PDE11A: variants seen among roughly 807,000 people sequenced by gnomAD.
PDE11A encodes dual 3',5'-cyclic-AMP and -GMP phosphodiesterase 11A.
PDE11A carries 100 observed loss-of-function variants against 100.5 expected under a neutral mutation model. The ratio of observed to expected loss-of-function variants is 1.00; its 90% confidence interval spans 0.85 to 1.18. The LOEUF is 1.18. Among genes scored for constraint, PDE11A ranks in the 50% most tolerant of loss-of-function variants. The pLI, the probability that PDE11A is intolerant of heterozygous loss-of-function variation, is 0.00. For missense variants in PDE11A, 1,141 were observed against 1,152.6 expected, an observed-to-expected ratio of 0.99 and a Z score of 0.15; for synonymous variants, 381 against 420.8, an observed-to-expected ratio of 0.91 and a Z score of 1.16.
At chr2:178,061,173 T>A (rs1413930143) in intron 1 of PDE11A, among the ~76,000 whole-genome samples, 1 of 152,054 alleles carries the variant, frequency 6.6e-6, no homozygotes, top group Non-Finnish European at 1.5e-5. Flanking sequence ...AAGTTGTGAC[T>A]ATTCTTAAGG....
At chr2:177,848,649 T>C (rs2083643647) in intron 5 of PDE11A, among the ~76,000 whole-genome samples, 1 of 152,162 alleles carries the variant, frequency 6.6e-6, no homozygotes, top group Non-Finnish European at 1.5e-5. Flanking sequence ...AAAAGAGAAT[T>C]GCCCTATTAC....
intron 1 of PDE11A, among the ~76,000 whole-genome samples, chr2:178,060,748 G>T (rs1451575437): frequency 1.3e-5 from 2 of 151,960 alleles, no homozygotes; most frequent in African/African-American, 2.4e-5. Context: ...AATCTCCTAT[G>T]ATTAAATATT....
chr2:178,066,507 G>A (rs1299549696), intron 1 of PDE11A, among the ~76,000 whole-genome samples: 1 of 152,144 alleles, frequency 6.6e-6, no homozygotes, highest in Non-Finnish European at 1.5e-5. Flanking sequence ...GCCTGCCCAG[G>A]ACTGGTTTTT....
intron 2 of PDE11A, among the ~76,000 whole-genome samples, chr2:178,085,424 A>G (rs996373983): frequency 2.0e-5 from 3 of 152,208 alleles, no homozygotes; most frequent in East Asian, 1.9e-4. Flanking sequence ...TACCTATCAG[A>G]TACTATGCTC....
chr2:178,085,793 C>A (rs1230733277), intron 2 of PDE11A, among the ~76,000 whole-genome samples: 2 of 152,058 alleles, frequency 1.3e-5, no homozygotes, highest in African/African-American at 4.8e-5. Context: ...AATAGTCTTG[C>A]AACAAAGGCC....
intron 1 of PDE11A, among the ~76,000 whole-genome samples, chr2:178,014,676 G>C (rs1337427317): frequency 6.6e-6 from 1 of 152,146 alleles, no homozygotes; most frequent in East Asian, 1.9e-4. Flanking sequence ...AATGAAGAGA[G>C]AGACTTTAAG....
intron 13 of PDE11A, among the ~76,000 whole-genome samples, chr2:177,704,873 G>A (rs909435253): frequency 2.0e-5 from 3 of 151,796 alleles, no homozygotes; most frequent in Non-Finnish European, 2.9e-5. Flanking sequence ...ACGGAATCTC[G>A]CCTGTCACCC....
chr2:178,048,800 A>C (rs2086785771), intron 1 of PDE11A, among the ~76,000 whole-genome samples: 1 of 152,190 alleles, frequency 6.6e-6, no homozygotes, highest in South Asian at 2.1e-4. Flanking sequence ...TAAGCCATAA[A>C]TGTGATATTT....
chr2:178,040,540 A>G (rs145795000), intron 1 of PDE11A, among the ~76,000 whole-genome samples: 212 of 152,330 alleles, frequency 1.4e-3, no homozygotes, highest in African/African-American at 4.6e-3. Flanking sequence ...TGTTCAGCAC[A>G]CATATTGTTT....
chr2:177,712,342 C>CTTT (rs35906687), intron 12 of PDE11A, among the ~76,000 whole-genome samples: 1,600 of 139,784 alleles, frequency 0.011, 30 homozygotes, highest in African/African-American at 0.04. Flanking sequence ...CACAACCCTT[C>CTTT]TTTTTTTTTT....
chr2:177,925,370 TC>T (rs1244805249), intron 2 of PDE11A, among the ~76,000 whole-genome samples: 3 of 151,552 alleles, frequency 2.0e-5, no homozygotes, highest in Non-Finnish European at 4.4e-5. Flanking sequence ...TTCCTATTTC[TC>T]CACATCCTCT....
intron 5 of PDE11A, among the ~76,000 whole-genome samples, chr2:177,869,993 C>T (rs1031820704): frequency 2.0e-5 from 3 of 152,306 alleles, no homozygotes; most frequent in Middle Eastern, 3.4e-3. Context: ...ATGTTCCACA[C>T]CTTAATAACA....
At chr2:177,833,680 A>G (rs931201903) in intron 6 of PDE11A, among the ~76,000 whole-genome samples, 1 of 152,218 alleles carries the variant, frequency 6.6e-6, no homozygotes, top group Admixed American at 6.5e-5. Context: ...AATAGGGCCA[A>G]TCCATTTTGG....
At chr2:178,102,428 GTTTTTTT>G (rs769341186) in intron 2 of PDE11A, among the ~76,000 whole-genome samples, 3 of 55,368 alleles carry the variant, frequency 5.4e-5, no homozygotes, top group East Asian at 7.8e-4. Context: ...CCTGGTCTAA[GTTTTTTT>G]TTTTTTTTTT....
intron 2 of PDE11A, among the ~76,000 whole-genome samples, chr2:177,910,370 CT>C (rs1395759781): frequency 1.3e-5 from 2 of 151,674 alleles, no homozygotes; most frequent in East Asian, 1.9e-4. Flanking sequence ...ATATTTTAAT[CT>C]TTTTTTTCAG....
chr2:177,890,209 C>A (rs1456459918), intron 4 of PDE11A, among the ~76,000 whole-genome samples: 1 of 152,174 alleles, frequency 6.6e-6, no homozygotes, highest in Non-Finnish European at 1.5e-5. Context: ...CCAAGATAAG[C>A]AGCTGCAGGG....
intron 2 of PDE11A, among the ~76,000 whole-genome samples, chr2:178,084,703 G>A: frequency 6.7e-6 from 1 of 150,160 alleles, no homozygotes; most frequent in African/African-American, 2.4e-5. Flanking sequence ...TGTATGAAGT[G>A]AAAATACAAG....
At chr2:177,710,052 T>C (rs1242258498) in intron 13 of PDE11A, among the ~76,000 whole-genome samples, 1 of 151,748 alleles carries the variant, frequency 6.6e-6, no homozygotes, top group Non-Finnish European at 1.5e-5. Context: ...TTTTTCAAGA[T>C]GCGGGGGAGC....
intron 19 of PDE11A, among the ~76,000 whole-genome samples, chr2:177,638,821 C>G (rs1379590351): frequency 6.6e-6 from 1 of 152,196 alleles, no homozygotes; most frequent in Non-Finnish European, 1.5e-5. Flanking sequence ...CTTGGGTACT[C>G]TAGCTGGCAG....
Sources: allele counts gnomAD v4.1 joint callset (sites outside exome capture counted in the v4.1 genomes callset), GRCh38; gene constraint gnomAD v4.1.1; transcripts MANE v1.5; gene names NCBI Gene and HGNC (gene_info 2026-07-23, HGNC 2026-07-21).